NRCAM: variants seen among roughly 807,000 people sequenced by gnomAD.
The protein encoded by NRCAM is neuronal cell adhesion molecule.
Under a neutral mutation model 156.5 loss-of-function variants are expected in NRCAM, and 83 were observed. The observed-to-expected ratio is 0.53, with a 90% CI of 0.44 to 0.64. NRCAM has a LOEUF of 0.64. Ranked by LOEUF, NRCAM falls within the 30% of genes least tolerant of loss-of-function variation. The probability of loss-of-function intolerance (pLI) is 0.00; values close to 1 mark genes in which losing one functional copy is unlikely to be tolerated. For synonymous variants in NRCAM, 538 were observed against 563.9 expected (o/e 0.95, Z 0.65); for missense variants, 1,417 against 1,597.3 (o/e 0.89, Z 1.92).
intron 2 of NRCAM, chr7:108,313,113 T>A (rs1182198673): frequency 6.6e-6 from 1 of 152,132 alleles, no homozygotes; most frequent in Non-Finnish European, 1.5e-5. Flanking sequence ...AGCATAGAAA[T>A]TTTTTAGGTT....
Position 108,194,394 on chromosome 7 carries a change from C to T in NRCAM, c.1498G>A (p.Asp500Asn). ...CCATTTTCATGTAAAACATAAATATCTTCATGAAGAGCACTTCCTTTAGCT... is the reference window on the plus strand; with the variant it reads ...CCATTTTCATGTAAAACATAAATATTTTCATGAAGAGCACTTCCTTTAGCT... Reference protein sequence around the residue: ...KGAKGSALHEDIYVLHENGTL... With the variant: ...KGAKGSALHENIYVLHENGTL... The change falls in exon 16 of 33, where the codon GAT (aspartate) becomes AAT (asparagine). Residue 500 changes from aspartate to asparagine, a missense_variant. Physicochemically the swap from Asp to Asn is conservative, Grantham distance 23 (BLOSUM62 1). This residue lies in a region of NRCAM where 1,238 missense variants were observed against 1,336.4 expected (regional missense o/e 0.93). Transcript: ENST00000379028. The T allele has an allele frequency of 6.2e-7, 1 of 1,610,946 alleles. No individual in the cohort carries two copies. The highest frequency in any genetic ancestry group is 8.5e-7 in the Non-Finnish European group (1 of 1,178,560).
intron 3 of NRCAM, among the ~76,000 whole-genome samples, chr7:108,249,364 T>G (rs2096188988): frequency 2.0e-5 from 3 of 152,216 alleles, no homozygotes; most frequent in African/African-American, 7.2e-5. Context: ...CAGAGGCTGT[T>G]TCATATAAAG....
At chr7:108,301,520 C>T (rs1303137401) in intron 3 of NRCAM, among the ~76,000 whole-genome samples, 1 of 152,164 alleles carries the variant, frequency 6.6e-6, no homozygotes, top group Non-Finnish European at 1.5e-5. Flanking sequence ...AGGGTGCCCC[C>T]ATGACACCAA....
chr7:108,393,312 A>G (rs1056018970), intron 2 of NRCAM, among the ~76,000 whole-genome samples: 1 of 152,146 alleles, frequency 6.6e-6, no homozygotes, highest in Admixed American at 6.5e-5. Flanking sequence ...GATCGATCTC[A>G]GACTGCTGTG....
intron 3 of NRCAM, among the ~76,000 whole-genome samples, chr7:108,280,289 T>TA (rs2097800390): frequency 1.3e-5 from 2 of 151,722 alleles, no homozygotes; most frequent in Admixed American, 1.3e-4. Flanking sequence ...CAATCTGCAA[T>TA]AAACAGGAAG....
chr7:108,400,691 G>A (rs1403036685), intron 1 of NRCAM, among the ~76,000 whole-genome samples: 1 of 152,088 alleles, frequency 6.6e-6, no homozygotes, highest in Non-Finnish European at 1.5e-5. Context: ...CAAAACTTTA[G>A]AACCCTATAA....
chr7:108,426,775 CT>C (rs1368767799), intron 1 of NRCAM, among the ~76,000 whole-genome samples: 3 of 152,190 alleles, frequency 2.0e-5, no homozygotes, highest in African/African-American at 7.2e-5. Flanking sequence ...TAAAACCAGA[CT>C]TCAAAAGCCA....
intron 4 of NRCAM, among the ~76,000 whole-genome samples, chr7:108,238,751 G>C (rs935489375): frequency 3.3e-5 from 5 of 152,062 alleles, no homozygotes; most frequent in African/African-American, 4.8e-5. Context: ...TTAAGCAATT[G>C]TATATTTTTT....
chr7:108,213,601 A>T (rs2086015547), intron 11 of NRCAM, among the ~76,000 whole-genome samples: 1 of 152,220 alleles, frequency 6.6e-6, no homozygotes, highest in Non-Finnish European at 1.5e-5. Flanking sequence ...GGACACCAAA[A>T]GCAAGCAGGG....
At chr7:108,429,610 C>T (rs1181118063) in intron 1 of NRCAM, among the ~76,000 whole-genome samples, 8 of 152,314 alleles carry the variant, frequency 5.3e-5, no homozygotes, top group South Asian at 4.1e-4. Context: ...TTTCAGGGTG[C>T]CCATGATGTT....
rs574755772 is a variant in NRCAM, at chr7:108,173,484, G to A, written c.3187+1838C>T. ...ATATGGAGAAGGGAAATAGTGAAGAGGATAGAATTCATTTTCAGATTGAAA... is the reference window on the plus strand; with the variant it reads ...ATATGGAGAAGGGAAATAGTGAAGAAGATAGAATTCATTTTCAGATTGAAA... On this transcript the variant is annotated intron_variant, in intron 28 of 32. Transcript: ENST00000379028. Among the ~76,000 whole-genome samples the A allele has an allele frequency of 1.1e-4, 16 of 152,194 alleles. No individual in the cohort carries two copies. In the East Asian group the frequency reaches 2.9e-3, roughly 28 times the overall value.
chr7:108,389,276 T>A (rs1443855079), intron 2 of NRCAM, among the ~76,000 whole-genome samples: 1 of 150,840 alleles, frequency 6.6e-6, no homozygotes, highest in Non-Finnish European at 1.5e-5. Flanking sequence ...GTCCTTCACA[T>A]CCCTTGTAAG....
intron 3 of NRCAM, among the ~76,000 whole-genome samples, chr7:108,291,508 T>A (rs1279489225): frequency 6.6e-6 from 1 of 152,210 alleles, no homozygotes; most frequent in Non-Finnish European, 1.5e-5. Flanking sequence ...TGTGTCTTTC[T>A]TGACAGGTAA....
intron 1 of NRCAM, among the ~76,000 whole-genome samples, chr7:108,415,323 G>A (rs568594757): frequency 5.1e-4 from 78 of 152,202 alleles, no homozygotes; most frequent in Non-Finnish European, 8.1e-4. Flanking sequence ...CCCTGTGGCC[G>A]CACGTCTAAT....
Position 108,149,867 on chromosome 7 carries a change from T to C in NRCAM, c.*43A>G, listed in dbSNP as rs541818496. On this transcript the variant is annotated 3_prime_UTR_variant, in exon 33 of 33. Coordinates refer to ENST00000379028, the MANE Select transcript of NRCAM (RefSeq NM_001037132.4). Reference sequence around the variant, plus strand: ...AGGGCTGACAAACAAGTGCTTAGGATAAACATTCTAGAGAAATGGAATATT... The same window carrying C: ...AGGGCTGACAAACAAGTGCTTAGGACAAACATTCTAGAGAAATGGAATATT... 1.2e-5 allele frequency: 19 copies of C among 1,520,996 alleles called. No individual in the cohort carries two copies. Among genetic ancestry groups the C allele is most frequent in the Admixed American group, 5.5e-5 (3 of 54,896 alleles). The allele number at this position is 1,520,996 out of a possible 1,614,324, so 94.2% of individuals were successfully genotyped here. A position where few individuals can be genotyped will look rare whatever the true frequency, so the allele number is the denominator to read the frequency against.
intron 1 of NRCAM, among the ~76,000 whole-genome samples, chr7:108,405,032 TGA>T (rs1249074124): frequency 6.6e-6 from 1 of 152,242 alleles, no homozygotes; most frequent in Non-Finnish European, 1.5e-5. Context: ...TATGGATGTG[TGA>T]GTGACTTAGC....
intron 31 of NRCAM, among the ~76,000 whole-genome samples, chr7:108,159,992 A>G (rs996300330): frequency 4.1e-4 from 62 of 152,160 alleles, no homozygotes; most frequent in African/African-American, 1.4e-3. Flanking sequence ...GTTACACATC[A>G]CAATATGAAG....
At chr7:108,283,092 G>A (rs983758748) in intron 3 of NRCAM, among the ~76,000 whole-genome samples, 1 of 152,202 alleles carries the variant, frequency 6.6e-6, no homozygotes, top group Non-Finnish European at 1.5e-5. Flanking sequence ...AACTGTCTAA[G>A]AAAATGAACA....
chr7:108,439,445 C>T (rs1396101829), intron 1 of NRCAM, among the ~76,000 whole-genome samples: 1 of 152,042 alleles, frequency 6.6e-6, no homozygotes, highest in Non-Finnish European at 1.5e-5. Flanking sequence ...AGACATTTCA[C>T]CAAAGAAGAT....
Sources: gnomAD v4.1 joint callset for allele counts (sites outside exome capture counted in the v4.1 genomes callset) on GRCh38, gnomAD v4.1.1 for gene constraint, gnomAD v4.1.1 regional missense constraint, MANE v1.5 for transcripts, NCBI Gene and HGNC (gene_info 2026-07-23, HGNC 2026-07-21) for gene names.